CACNA1E: variants seen among roughly 807,000 people sequenced by gnomAD.
CACNA1E encodes the protein voltage-dependent R-type calcium channel subunit alpha-1E.
A neutral mutation model predicts 259.2 loss-of-function variants in CACNA1E; 40 were observed. The observed-to-expected ratio is 0.15, with a 90% confidence interval of 0.12 to 0.20. CACNA1E has a LOEUF of 0.20. CACNA1E is among the 10% of genes least tolerant of loss of function. The pLI, the probability that CACNA1E is intolerant of heterozygous loss-of-function variation, is 1.00. For synonymous variants in CACNA1E, 1,104 were observed against 1,138.5 expected, an observed-to-expected ratio of 0.97 and a Z score of 0.61; for missense variants, 1,874 against 3,040.1, an observed-to-expected ratio of 0.62 and a Z score of 9.02.
At chr1:181,322,258 C>T (rs1012444303) in intron 1 of CACNA1E, among the ~76,000 whole-genome samples, 3 of 152,036 alleles carry the variant, frequency 2.0e-5, no homozygotes, top group Non-Finnish European at 4.4e-5. Context: ...CAACCATCTA[C>T]AATATGCCCT....
intron 1 of CACNA1E, among the ~76,000 whole-genome samples, chr1:181,354,648 C>T (rs1486288535): frequency 6.6e-6 from 1 of 152,168 alleles, no homozygotes; most frequent in Non-Finnish European, 1.5e-5. Context: ...GGACACTGAG[C>T]TGCAGGTCTT....
chr1:181,796,919 T>C, intron 47 of CACNA1E, 61 bp downstream of exon 47: 1 of 1,250,114 alleles, frequency 8.0e-7, no homozygotes, highest in Non-Finnish European at 1.1e-6. Context: ...GCTGTATCAT[T>C]AGATGCAAGT....
chr1:181,736,275 T>C lies in CACNA1E; in HGVS notation c.3263T>C (p.Ile1088Thr). Residue 1088 changes from isoleucine to threonine, a missense_variant and splice_region_variant, in exon 22 of 48, where the codon ATT becomes ACT. Physicochemically the swap from Ile to Thr is moderately conservative, Grantham distance 89. Around this residue, in one of 14 missense-constraint regions of CACNA1E, gnomAD observed 476 missense variants for 514.0 expected, o/e 0.93. Transcript: ENST00000367573. ...AGATTTCAACGTGTTCCTCTTGCAG[T>C]TAGCAACAAGACGGATGGGGAAGCC... is the stretch of plus-strand genomic sequence containing the variant. Reference protein sequence around the residue: ...DPLVDSTVVHISNKTDGEASP... With the variant: ...DPLVDSTVVHTSNKTDGEASP... The C allele has an allele frequency of 1.3e-6, 2 of 1,584,436 alleles. No homozygotes were observed. The highest frequency in any genetic ancestry group is 1.7e-6 in the Non-Finnish European group (2 of 1,164,842).
At chr1:181,388,438 T>C (rs947833450) in intron 1 of CACNA1E, among the ~76,000 whole-genome samples, 1 of 152,188 alleles carries the variant, frequency 6.6e-6, no homozygotes, top group Non-Finnish European at 1.5e-5. Context: ...TGATATAGCC[T>C]ATTACACACC....
chr1:181,695,188 CT>C (rs1651576156), intron 7 of CACNA1E, among the ~76,000 whole-genome samples: 1 of 152,038 alleles, frequency 6.6e-6, no homozygotes, highest in Non-Finnish European at 1.5e-5. Flanking sequence ...ATGTCAAGAC[CT>C]TTCTACTGAA....
chr1:181,392,397 C>G (rs1656364156), intron 1 of CACNA1E, among the ~76,000 whole-genome samples: 2 of 152,212 alleles, frequency 1.3e-5, no homozygotes, highest in African/African-American at 4.8e-5. Context: ...TGCTTTCCTT[C>G]TCAGAGCTCC....
intron 6 of CACNA1E, among the ~76,000 whole-genome samples, chr1:181,636,633 C>T (rs1011368514): frequency 5.3e-5 from 8 of 152,106 alleles, no homozygotes; most frequent in African/African-American, 1.2e-4. Flanking sequence ...ACTTGGCTGT[C>T]GGAGAATCAG....
intron 1 of CACNA1E, among the ~76,000 whole-genome samples, chr1:181,338,419 T>C (rs1651882937): frequency 6.6e-6 from 1 of 152,086 alleles, no homozygotes; most frequent in Non-Finnish European, 1.5e-5. Flanking sequence ...TCCCTGATGA[T>C]TAGTGATGTC....
chr1:181,610,277 C>T (rs555415337), intron 6 of CACNA1E, among the ~76,000 whole-genome samples: 61 of 152,264 alleles, frequency 4.0e-4, no homozygotes, highest in African/African-American at 1.5e-3. Flanking sequence ...TTTTTCCAGC[C>T]ATTTCCTCAT....
intron 1 of CACNA1E, among the ~76,000 whole-genome samples, chr1:181,399,034 A>G (rs1656893381): frequency 6.6e-6 from 1 of 152,174 alleles, no homozygotes; most frequent in Non-Finnish European, 1.5e-5. Context: ...TCTGCCTCAC[A>G]TGAACCTGGG....
chr1:181,374,067 T>G (rs1654912566), intron 1 of CACNA1E, among the ~76,000 whole-genome samples: 1 of 152,234 alleles, frequency 6.6e-6, no homozygotes, highest in South Asian at 2.1e-4. Flanking sequence ...TTGCTCTTGC[T>G]TTTCTAGTTC....
At chr1:181,507,009 T>G (rs1221029598) in intron 1 of CACNA1E, among the ~76,000 whole-genome samples, 1 of 151,850 alleles carries the variant, frequency 6.6e-6, no homozygotes, top group Non-Finnish European at 1.5e-5. Flanking sequence ...GGGACATCCC[T>G]CTCAAGGGCA....
At chr1:181,446,533 G>A (rs1194925806) in intron 2 of CACNA1E, among the ~76,000 whole-genome samples, 1 of 152,216 alleles carries the variant, frequency 6.6e-6, no homozygotes, top group Non-Finnish European at 1.5e-5. Context: ...ACTATATGAA[G>A]ATTCAGAGGC....
At chr1:181,411,318 C>T (rs543179862) in intron 1 of CACNA1E, among the ~76,000 whole-genome samples, 1 of 152,270 alleles carries the variant, frequency 6.6e-6, no homozygotes, top group African/African-American at 2.4e-5. Flanking sequence ...TGGAGTGCTG[C>T]TTTCACTTGG....
intron 41 of CACNA1E, among the ~76,000 whole-genome samples, 166 bp downstream of exon 41, chr1:181,784,934 C>T (rs542892770): frequency 3.9e-5 from 6 of 152,308 alleles, no homozygotes; most frequent in African/African-American, 1.4e-4. Context: ...AGATAGGTCA[C>T]TGTGGTTGTG....
At chr1:181,766,798 G>A (rs1659058032) in intron 35 of CACNA1E, among the ~76,000 whole-genome samples, 187 bp downstream of exon 35, 1 of 152,192 alleles carries the variant, frequency 6.6e-6, no homozygotes, top group Non-Finnish European at 1.5e-5. Context: ...ATTTTAGCTT[G>A]CCTAAGTATT....
chr1:181,755,216 G>T (rs1443168294), intron 27 of CACNA1E, 21 bp from the exon 28 acceptor site: 1 of 1,606,860 alleles, frequency 6.2e-7, no homozygotes, highest in Non-Finnish European at 8.5e-7. Context: ...CACACAGCAG[G>T]GCTGTTTGCT....
At position 181,798,458 on chromosome 1, in the gene CACNA1E, G is replaced by A; in HGVS notation, c.6566G>A (p.Ser2189Asn). 6.2e-7 allele frequency: 1 copy of A among 1,613,866 alleles called. No individual in the cohort carries two copies. Among genetic ancestry groups the A allele is most frequent in the Non-Finnish European group, 8.5e-7 (1 of 1,179,900 alleles). Residue 2189 changes from serine (S) to asparagine (N), a missense_variant, in exon 48 of 48, where the codon AGC (serine) becomes AAC (asparagine). Ser to Asn is a conservative substitution (Grantham distance 46, BLOSUM62 1). Around this residue, in one of 14 missense-constraint regions of CACNA1E, gnomAD observed 542 missense variants for 587.2 expected, o/e 0.92. Coordinates refer to ENST00000367573, the MANE Select transcript of CACNA1E (RefSeq NM_001205293.3). The surrounding 1 kb of genome is among the most constrained non-coding windows in gnomAD (Gnocchi z 4.2). ...AGCATCTCTCCACCTGCTGATGGAA[G>A]CGAGGAGGGCTCCCCGCTGACCTCC... ...AGSISPPADG[S>N]EEGSPLTSQA... is the part of the protein sequence containing the mutation.
intron 3 of CACNA1E, among the ~76,000 whole-genome samples, chr1:181,542,457 A>G (rs1266098210): frequency 6.6e-6 from 1 of 152,150 alleles, no homozygotes; most frequent in Non-Finnish European, 1.5e-5. Flanking sequence ...TAATCTCCAC[A>G]GTCCCCACAT....
Sources: gnomAD v4.1 joint callset for allele counts (sites outside exome capture counted in the v4.1 genomes callset) on GRCh38, gnomAD v4.1.1 for gene constraint, gnomAD v4.1.1 regional missense constraint, Gnocchi (gnomAD v3.1) non-coding constraint, MANE v1.5 for transcripts, NCBI Gene and HGNC (gene_info 2026-07-23, HGNC 2026-07-21) for gene names.